SGMS1: variants seen among roughly 807,000 people sequenced by gnomAD.
SGMS1 encodes the protein phosphatidylcholine:ceramide cholinephosphotransferase 1.
In SGMS1, 13 loss-of-function variants were observed where a neutral mutation model predicts 46.2. That is an observed-to-expected ratio of 0.28 (90% CI 0.18 to 0.45). The LOEUF is 0.45. SGMS1 is among the 20% of genes least tolerant of loss of function. The probability of loss-of-function intolerance (pLI) is 1.00; values close to 1 mark genes in which losing one functional copy is unlikely to be tolerated. For missense variants in SGMS1, 324 were observed against 519.9 expected, an observed-to-expected ratio of 0.62 and a Z score of 3.66; for synonymous variants, 203 against 187.8, an observed-to-expected ratio of 1.08 and a Z score of -0.66.
chr10:50,415,045 C>T (rs1246907604), intron 6 of SGMS1, among the ~76,000 whole-genome samples: 1 of 152,170 alleles, frequency 6.6e-6, no homozygotes, highest in Non-Finnish European at 1.5e-5. Flanking sequence ...GGCGTCAACC[C>T]GGGAGGCGGA....
chr10:50,376,814 T>G (rs573266716), intron 6 of SGMS1, among the ~76,000 whole-genome samples: 1 of 152,218 alleles, frequency 6.6e-6, no homozygotes, highest in Non-Finnish European at 1.5e-5. Flanking sequence ...TGCCACATTT[T>G]CTTAATCCAG....
intron 6 of SGMS1, among the ~76,000 whole-genome samples, chr10:50,414,003 T>G (rs1331599566): frequency 1.3e-5 from 2 of 152,252 alleles, no homozygotes; most frequent in African/African-American, 4.8e-5. Flanking sequence ...ATTTTTTTTC[T>G]GTGGACCTCA....
At chr10:50,438,306 C>T (rs951404531) in intron 5 of SGMS1, among the ~76,000 whole-genome samples, 1 of 152,198 alleles carries the variant, frequency 6.6e-6, no homozygotes, top group Non-Finnish European at 1.5e-5. Flanking sequence ...AAGATTGTAA[C>T]ATCTACTCTG....
chr10:50,584,216 T>C (rs1197808232), intron 2 of SGMS1, among the ~76,000 whole-genome samples: 6 of 152,086 alleles, frequency 3.9e-5, no homozygotes, highest in Admixed American at 3.3e-4. Context: ...CTAAAGAAGA[T>C]TGGCTGGGCG....
chr10:50,319,313 T>C (rs1847402917), intron 8 of SGMS1, among the ~76,000 whole-genome samples: 1 of 152,208 alleles, frequency 6.6e-6, no homozygotes, highest in East Asian at 1.9e-4. Flanking sequence ...CTCACTTTTT[T>C]TCCTGGGTCC....
At chr10:50,558,220 G>A (rs572868296) in intron 2 of SGMS1, among the ~76,000 whole-genome samples, 17 of 152,274 alleles carry the variant, frequency 1.1e-4, no homozygotes, top group African/African-American at 4.1e-4. Context: ...GGACTTCTGA[G>A]TATGATGAGC....
chr10:50,506,296 C>A (rs1235153743), intron 3 of SGMS1, among the ~76,000 whole-genome samples: 1 of 152,176 alleles, frequency 6.6e-6, no homozygotes, highest in Non-Finnish European at 1.5e-5. Context: ...AAGGCAAAGA[C>A]CATATTGATT....
chr10:50,359,682 CAA>C (rs34496581), intron 6 of SGMS1, among the ~76,000 whole-genome samples: 15,533 of 140,262 alleles, frequency 0.11, 911 homozygotes, highest in Middle Eastern at 0.21. Context: ...TTCATTATGG[CAA>C]AAAAAAAAAA....
intron 3 of SGMS1, among the ~76,000 whole-genome samples, chr10:50,512,631 C>T (rs1173318862): frequency 2.6e-5 from 4 of 152,064 alleles, no homozygotes; most frequent in Admixed American, 2.0e-4. Context: ...CGCAGGCTGC[C>T]CAAGAGTTTA....
chr10:50,616,093 C>A (rs1381772738), intron 1 of SGMS1, among the ~76,000 whole-genome samples: 1 of 152,098 alleles, frequency 6.6e-6, no homozygotes, highest in Non-Finnish European at 1.5e-5. Flanking sequence ...TAAAAACAGA[C>A]AAAAGTATTA....
At chr10:50,393,013 C>A (rs72801752) in intron 6 of SGMS1, among the ~76,000 whole-genome samples, 27,150 of 150,404 alleles carry the variant, frequency 0.18, 2,795 homozygotes, top group Admixed American at 0.23. Flanking sequence ...TTTAATGAAC[C>A]AAAAAATTTA....
chr10:50,494,523 G>A (rs934819654), intron 3 of SGMS1, among the ~76,000 whole-genome samples: 1 of 152,108 alleles, frequency 6.6e-6, no homozygotes, highest in Non-Finnish European at 1.5e-5. Context: ...AATTAACACA[G>A]GTACAGAAAA....
chr10:50,390,398 C>T (rs556040818), intron 6 of SGMS1, among the ~76,000 whole-genome samples: 1 of 152,268 alleles, frequency 6.6e-6, no homozygotes, highest in South Asian at 2.1e-4. Context: ...TTTGTTAAAA[C>T]TAGAACTTTG....
intron 6 of SGMS1, among the ~76,000 whole-genome samples, chr10:50,392,771 C>T (rs573285632): frequency 9.2e-5 from 14 of 152,182 alleles, no homozygotes; most frequent in African/African-American, 3.4e-4. Context: ...AAAATACTGC[C>T]CCTCTTTCCC....
chr10:50,478,355 T>C lies in SGMS1; in HGVS notation c.-497-11423A>G, dbSNP rs116376686. 8.6e-3 allele frequency among the ~76,000 whole-genome samples: 1,313 copies of C among 152,332 alleles called. 17 individuals carry two copies. The highest frequency in any genetic ancestry group is 0.03 in the African/African-American group (1,250 of 41,570). On this transcript the variant is annotated intron_variant, in intron 3 of 10. Transcript: ENST00000361781. Reference sequence around the variant, plus strand: ...TCCTTAGTTTTCTGAACTAAATAGCTATACCTCTAAATTAGCAAAGTAACA... The same window carrying C: ...TCCTTAGTTTTCTGAACTAAATAGCCATACCTCTAAATTAGCAAAGTAACA...
At chr10:50,414,843 G>A (rs909708890) in intron 6 of SGMS1, among the ~76,000 whole-genome samples, 2 of 152,082 alleles carry the variant, frequency 1.3e-5, no homozygotes, top group South Asian at 2.1e-4. Context: ...CGACACTATC[G>A]ACACCTTGCT....
chr10:50,493,681 G>A (rs770513494), intron 3 of SGMS1, among the ~76,000 whole-genome samples: 2 of 151,390 alleles, frequency 1.3e-5, no homozygotes, highest in Non-Finnish European at 2.9e-5. Flanking sequence ...TTTCAAAAGA[G>A]ATACATGCAG....
At chr10:50,311,972 T>C (rs754508480) in intron 8 of SGMS1, among the ~76,000 whole-genome samples, 9 of 152,154 alleles carry the variant, frequency 5.9e-5, no homozygotes, top group South Asian at 2.1e-4. Context: ...GTAGGTAACA[T>C]TGAATAATTT....
chr10:50,310,353 A>G (rs989312675), intron 9 of SGMS1, among the ~76,000 whole-genome samples: 2 of 152,254 alleles, frequency 1.3e-5, no homozygotes, highest in African/African-American at 4.8e-5. Flanking sequence ...GATATTGAGC[A>G]TAATAAAATT....
Sources: allele counts gnomAD v4.1 joint callset (sites outside exome capture counted in the v4.1 genomes callset), GRCh38; gene constraint gnomAD v4.1.1; transcripts MANE v1.5; gene names NCBI Gene and HGNC (gene_info 2026-07-23, HGNC 2026-07-21).